Variants in LZTS3 observed in about 807,000 individuals in gnomAD.
LZTS3 encodes leucine zipper putative tumor suppressor 3.
In LZTS3, 16 loss-of-function variants were observed where a neutral mutation model predicts 50.9. That is an observed-to-expected ratio of 0.31 (90% CI 0.21 to 0.48). The LOEUF is 0.48. LZTS3 is among the 20% of genes least tolerant of loss of function. The pLI is 0.99. For missense variants in LZTS3, 816 were observed against 931.0 expected (o/e 0.88, Z 1.61); for synonymous variants, 408 against 410.6 (o/e 0.99, Z 0.08).
At chr20:3,166,683 G>A (rs1190219448) in intron 3 of LZTS3, 22 bp downstream of exon 3, 6 of 1,604,940 alleles carry the variant, frequency 3.7e-6, no homozygotes, top group East Asian at 2.2e-5. Flanking sequence ...GGCTGTGAGG[G>A]TCTCAGGCCC....
rs2066754427 is a variant in LZTS3 at position 3,162,902 on chromosome 20, A to T, written c.*1552T>A. The T allele has an allele frequency of 6.6e-6, 1 of 152,564 alleles. No individual in the cohort carries two copies. The highest frequency in any genetic ancestry group is 2.4e-5 in the African/African-American group (1 of 41,404). 9.5% of individuals were successfully genotyped at this position (152,564 alleles called of 1,614,324 possible). On this transcript the variant is annotated 3_prime_UTR_variant, in exon 5 of 5. Coordinates refer to ENST00000337576, the MANE Select transcript of LZTS3 (RefSeq NM_001365618.1). This position sits in a 1 kb window ranked among gnomAD's most constrained non-coding sequence, Gnocchi z 5.0. Reference sequence around the variant, plus strand: ...GGATGGCCTCCCACCCAGCTCAGAGACCTGGTGAGGACCACCCAGAAGGGC... The same window carrying T: ...GGATGGCCTCCCACCCAGCTCAGAGTCCTGGTGAGGACCACCCAGAAGGGC...
chr20:3,167,737 C>T lies in LZTS3; in HGVS notation c.-19+1G>A. 1.0e-6 allele frequency: 1 copy of T among 985,686 alleles called. No individual in the cohort carries two copies. The highest frequency in any genetic ancestry group is 1.2e-6 in the Non-Finnish European group (1 of 830,206). The allele number at this position is 985,686 out of a possible 1,614,324, so 61.1% of individuals were successfully genotyped here. On this transcript the variant is annotated splice_donor_variant, in intron 2 of 4. Coordinates refer to ENST00000337576, the MANE Select transcript of LZTS3 (RefSeq NM_001365618.1). LOFTEE classifies it low-confidence loss of function (5UTR_SPLICE). ...GTGGGGGTCCTTCCCAGCCCCCTAA[C>T]CTAAGTGTTGCAGTCAGGGCAGAAG... is the stretch of plus-strand genomic sequence containing the variant.
chr20:3,167,662 C>T (rs1334833977), intron 2 of LZTS3, 76 bp downstream of exon 2: 2 of 987,620 alleles, frequency 2.0e-6, no homozygotes, highest in East Asian at 1.1e-4. Context: ...GGGAACCAAC[C>T]TCAGAAATTA....
intron 2 of LZTS3, 157 bp from the exon 3 acceptor site, chr20:3,167,338 G>A (rs996223054): frequency 2.2e-6 from 3 of 1,364,968 alleles, no homozygotes; most frequent in South Asian, 2.1e-5. Flanking sequence ...GAATAAGGCT[G>A]GGATAAAAGA....
chr20:3,170,233 T>TAAC, intron 1 of LZTS3, among the ~76,000 whole-genome samples: 1 of 152,098 alleles, frequency 6.6e-6, no homozygotes, highest in East Asian at 1.9e-4. Flanking sequence ...CTCACACCTG[T>TAAC]AATGCCAGCA....
Position 3,165,921 on chromosome 20 carries a change from C to T in LZTS3, c.899G>A (p.Gly300Glu), listed in dbSNP as rs1245836277. The part of the protein sequence containing the change: ...SMGRPGHLGS[G>E]EGGGGGLPFA... Reference sequence around the variant, plus strand: ...AGGCAGGCCTCCACCTCCGCCCTCCCCAGAGCCCAGGTGGCCTGGCCGCCC... The same window carrying T: ...AGGCAGGCCTCCACCTCCGCCCTCCTCAGAGCCCAGGTGGCCTGGCCGCCC... The change falls in exon 4 of 5, where the codon GGG becomes GAG. Residue 300 changes from glycine (G) to glutamate (E), a missense_variant. Transcript: ENST00000337576. The surrounding 1 kb of genome is among the most constrained non-coding windows in gnomAD (Gnocchi z 5.0). 2 of 1,611,198 alleles carry T rather than the reference C, an allele frequency of 1.2e-6. No homozygotes were observed. The highest frequency in any genetic ancestry group is 1.1e-5 in the South Asian group (1 of 91,072).
Position 3,170,491 on chromosome 20 carries a change from A to AAAAAAAC in LZTS3, c.-242-2531_-242-2530insGTTTTTT, listed in dbSNP as rs1568493192. Among the ~76,000 whole-genome samples, 8 of 140,166 alleles carry AAAAAAAC rather than the reference A, an allele frequency of 5.7e-5. No homozygotes were observed. In the South Asian group the frequency reaches 7.3e-4, roughly 13 times the overall value. The allele number at this position is 140,166 out of a possible 152,430, so 92.0% of individuals were successfully genotyped here. On this transcript the variant is annotated intron_variant, in intron 1 of 4. Transcript: ENST00000337576. ...AAGACAGAGCGAGACTACATCAAAAAAAAAAAAAAAAAAAACAGGTTGGCG... is the reference window on the plus strand; with the variant it reads ...AAGACAGAGCGAGACTACATCAAAAAAAAAAACAAAAAAAAAAAAAAACAGGTTGGCG...
rs1404752625 is a variant in LZTS3 at position 3,164,767 on chromosome 20, G to A, written c.1709C>T (p.Thr570Met). The change falls in exon 5 of 5, where the codon ACG (threonine) becomes ATG (methionine). Residue 570 changes from threonine to methionine, a missense_variant. Thr to Met is a moderately conservative substitution (Grantham distance 81, BLOSUM62 -1). Coordinates refer to ENST00000337576, the MANE Select transcript of LZTS3 (RefSeq NM_001365618.1). ...CCCCACCTCCCGCCGCAGGGCCCGC[G>A]TCCCGCTCTCCCCGCCAGCCTCCGC... ...GEAEAGGESG[T>M]RALRREVGRL... 2 of 1,524,224 alleles carry A rather than the reference G, an allele frequency of 1.3e-6. No homozygotes were observed. Among genetic ancestry groups the A allele is most frequent in the African/African-American group, 1.4e-5 (1 of 70,630 alleles). The allele number at this position is 1,524,224 out of a possible 1,614,324, so 94.4% of individuals were successfully genotyped here.
chr20:3,165,766 C>A lies in LZTS3; in HGVS notation c.1054G>T (p.Val352Leu). 6.3e-7 allele frequency: 1 copy of A among 1,580,892 alleles called. No individual in the cohort carries two copies. The highest frequency in any genetic ancestry group is 8.5e-7 in the Non-Finnish European group (1 of 1,170,548). The change falls in exon 4 of 5, where the codon GTA becomes TTA. Residue 352 changes from valine (V) to leucine (L), a missense_variant. Physicochemically the swap from Val to Leu is conservative, Grantham distance 32 (BLOSUM62 1). This residue lies in a region of LZTS3 where 700 missense variants were observed against 769.4 expected (regional missense o/e 0.91). Coordinates refer to ENST00000337576, the MANE Select transcript of LZTS3 (RefSeq NM_001365618.1). The surrounding 1 kb of genome is among the most constrained non-coding windows in gnomAD (Gnocchi z 5.0). ...LEQSEAAVAQ[V>L]LEERQKAWER... ...CACGCCTTCTGCCGCTCCTCCAGTA[C>A]CTGGGCCACAGCCGCCTCGCTCTGC... is the stretch of plus-strand genomic sequence containing the variant.
rs76119523 is a variant in LZTS3 at position 3,171,731 on chromosome 20, C to G, written c.-243+1724G>C. Among the ~76,000 whole-genome samples the G allele has an allele frequency of 2.4e-3, 360 of 151,818 alleles. 3 individuals carry two copies. The highest frequency in any genetic ancestry group is 8.2e-3 in the African/African-American group (341 of 41,362). The stretch of plus-strand genomic sequence containing the variant: ...AGGAAGGGGATGTTTCCCTGGTAAG[C>G]AGGAACTGAACTGAGAGGAAAGGTC... On this transcript the variant is annotated intron_variant, in intron 1 of 4. Coordinates refer to ENST00000337576, the MANE Select transcript of LZTS3 (RefSeq NM_001365618.1).
chr20:3,167,798 C>T lies in LZTS3; in HGVS notation c.-79G>A, dbSNP rs2066851819. 1.0e-6 allele frequency: 1 copy of T among 985,390 alleles called. No individual in the cohort carries two copies. The highest frequency in any genetic ancestry group is 1.7e-5 in the African/African-American group (1 of 57,240). 61.0% of individuals were successfully genotyped at this position (985,390 alleles called of 1,614,324 possible). A position where few individuals can be genotyped will look rare whatever the true frequency, so the allele number is the denominator to read the frequency against. Reference sequence around the variant, plus strand: ...CTACCAGCGCAGGCTTCTCTCCTTGCCTTTCCAAGGGGTTGAGGGGCCGAC... The same window carrying T: ...CTACCAGCGCAGGCTTCTCTCCTTGTCTTTCCAAGGGGTTGAGGGGCCGAC... On this transcript the variant is annotated 5_prime_UTR_variant, in exon 2 of 5. Transcript: ENST00000337576.
chr20:3,165,008 G>T lies in LZTS3; in HGVS notation c.1468C>A (p.Gln490Lys). Residue 490 changes from glutamine (Q) to lysine (K), a missense_variant, in exon 5 of 5, where the codon CAG becomes AAG. Coordinates refer to ENST00000337576, the MANE Select transcript of LZTS3 (RefSeq NM_001365618.1). This position sits in a 1 kb window ranked among gnomAD's most constrained non-coding sequence, Gnocchi z 5.0. ...GRASLREKEE[Q>K]LLSLRDSFSS... is the part of the protein sequence containing the mutation. ...AAGGAGTCCCGCAGGCTGAGCAGCTGCTCCTCCTTCTCCCGCAGCGAAGCC... is the reference window on the plus strand; with the variant it reads ...AAGGAGTCCCGCAGGCTGAGCAGCTTCTCCTCCTTCTCCCGCAGCGAAGCC... 6.4e-7 allele frequency: 1 copy of T among 1,558,744 alleles called. No homozygotes were observed. Among genetic ancestry groups the T allele is most frequent in the Non-Finnish European group, 8.7e-7 (1 of 1,154,024 alleles).
chr20:3,166,701 T>G lies in LZTS3; in HGVS notation c.459+4A>C, dbSNP rs1047501503. The G allele has an allele frequency of 6.2e-7, 1 of 1,610,662 alleles. No individual in the cohort carries two copies. Among genetic ancestry groups the G allele is most frequent in the African/African-American group, 1.3e-5 (1 of 74,988 alleles). On this transcript the variant is annotated splice_donor_region_variant and intron_variant, in intron 3 of 4. Coordinates refer to ENST00000337576, the MANE Select transcript of LZTS3 (RefSeq NM_001365618.1). ...TGTGAGGGTCTCAGGCCCTGCGGAC[T>G]GACCTGGTCTAGCTTGCCAGAGGTG...
chr20:3,166,036 C>T lies in LZTS3; in HGVS notation c.784G>A (p.Gly262Ser), dbSNP rs113680437. The change falls in exon 4 of 5, where the codon GGC becomes AGC. Residue 262 changes from glycine to serine, a missense_variant. This residue lies in a region of LZTS3 where 700 missense variants were observed against 769.4 expected (regional missense o/e 0.91). Coordinates refer to ENST00000337576, the MANE Select transcript of LZTS3 (RefSeq NM_001365618.1). ...TAGCCCGACCCCCCACCGCTGCTGC[C>T]GCCACTACCACTACCATAGCTGGCA... Reference protein sequence around the residue: ...GTASYGSGSGGSSGGGSGYQD... With the variant: ...GTASYGSGSGSSSGGGSGYQD... 1.7e-5 allele frequency: 28 copies of T among 1,612,934 alleles called. No individual in the cohort carries two copies. Among genetic ancestry groups the T allele is most frequent in the Middle Eastern group, 1.6e-4 (1 of 6,062 alleles).
In LZTS3 at chr20:3,165,848, C is replaced by T. The variant is rs376561724; in HGVS notation, c.972G>A (p.Leu324=). 1.7e-4 allele frequency: 268 copies of T among 1,605,354 alleles called. 1 individual carries two copies. The highest frequency in any genetic ancestry group is 9.5e-4 in the Admixed American group (57 of 59,894). ...PPSPSALIQE[L]EERLWEKEQE... ...GCTCCTTCTCCCACAGCCGCTCCTC[C>T]AGCTCCTGGATGAGTGCACTGGGGG... is the stretch of plus-strand genomic sequence containing the variant. The change falls in exon 4 of 5, where the codon CTG becomes CTA. Residue 324 remains leucine (L), a synonymous_variant. Coordinates refer to ENST00000337576, the MANE Select transcript of LZTS3 (RefSeq NM_001365618.1). This position sits in a 1 kb window ranked among gnomAD's most constrained non-coding sequence, Gnocchi z 5.0.
At chr20:3,168,570 G>A (rs2066864346) in intron 1 of LZTS3, 1 of 152,356 alleles carries the variant, frequency 6.6e-6, no homozygotes, top group East Asian at 1.9e-4. Flanking sequence ...CGCAGGGGGA[G>A]CCAGGCCTCG....
intron 1 of LZTS3, among the ~76,000 whole-genome samples, chr20:3,171,325 C>T (rs570784260): frequency 3.6e-4 from 55 of 152,236 alleles, no homozygotes; most frequent in African/African-American, 1.2e-3. Context: ...TGTCCTGAGC[C>T]TCCTTTCTCC....
chr20:3,167,399 C>T, intron 2 of LZTS3: 2 of 1,327,294 alleles, frequency 1.5e-6, no homozygotes, highest in Non-Finnish European at 1.9e-6. Context: ...AAGCCCAACC[C>T]CCAGGGCTCC....
chr20:3,164,906 C>T lies in LZTS3; in HGVS notation c.1570G>A (p.Val524Met). 6.5e-7 allele frequency: 1 copy of T among 1,549,186 alleles called. No homozygotes were observed. The highest frequency in any genetic ancestry group is 8.7e-7 in the Non-Finnish European group (1 of 1,153,746). ...AACLKPALTP[V>M]DPAEPQDALA... ...GCATCCTGTGGCTCGGCCGGGTCCA[C>T]GGGGGTCAGCGCCGGCTTGAGGCAG... Residue 524 changes from valine to methionine, a missense_variant, in exon 5 of 5, where the codon GTG (valine) becomes ATG (methionine). Physicochemically the swap from Val to Met is conservative, Grantham distance 21. Transcript: ENST00000337576.
Sources: gnomAD v4.1 joint callset for allele counts (sites outside exome capture counted in the v4.1 genomes callset) on GRCh38, gnomAD v4.1.1 for gene constraint, gnomAD v4.1.1 regional missense constraint, Gnocchi (gnomAD v3.1) non-coding constraint, MANE v1.5 for transcripts, NCBI Gene and HGNC (gene_info 2026-07-23, HGNC 2026-07-21) for gene names.